The following ASTN1 variants were observed in gnomAD, a reference collection of about 807,000 sequenced individuals.
ASTN1 encodes astrotactin-1.
A neutral mutation model predicts 140.7 loss-of-function variants in ASTN1; 41 were observed. That is an observed-to-expected ratio of 0.29 (90% CI 0.23 to 0.38). The LOEUF (loss-of-function observed/expected upper bound fraction) is 0.38. Ranked by LOEUF, ASTN1 falls within the 10% of genes least tolerant of loss-of-function variation. The pLI, the probability that ASTN1 is intolerant of heterozygous loss-of-function variation, is 1.00. For missense variants in ASTN1, 1,479 were observed against 1,678.8 expected (o/e 0.88, Z 2.08); for synonymous variants, 640 against 652.2 (o/e 0.98, Z 0.29).
chr1:177,123,596 T>C (rs185804362), intron 1 of ASTN1, among the ~76,000 whole-genome samples: 11 of 152,252 alleles, frequency 7.2e-5, no homozygotes. Flanking sequence ...TCATGGAAGG[T>C]GGAACCTCAC....
intron 2 of ASTN1, among the ~76,000 whole-genome samples, chr1:177,044,583 G>A (rs919706933): frequency 6.6e-6 from 1 of 152,316 alleles, no homozygotes; most frequent in South Asian, 2.1e-4. Context: ...CACCTGCCAG[G>A]GAAAGTGACA....
In ASTN1 at chr1:176,945,958, C is replaced by A. The variant is rs954947699; in HGVS notation, c.2217G>T (p.Val739=). 1 of 1,613,384 alleles carries A rather than the reference C, an allele frequency of 6.2e-7. No homozygotes were observed. The highest frequency in any genetic ancestry group is 8.5e-7 in the Non-Finnish European group (1 of 1,179,532). Residue 739 remains valine, a synonymous_variant, in exon 13 of 23, where the codon GTG becomes GTT. Transcript: ENST00000361833. ...FFGYNNHSKE[V]AAGQVLKGTF... is the part of the protein sequence containing the mutation. ...TTCCTTTCAGCACCTGTCCGGCAGC[C>A]ACTTCCTTGGAATGGTTGTTGTAAC...
At chr1:177,145,028 G>T (rs1682660085) in intron 1 of ASTN1, among the ~76,000 whole-genome samples, 1 of 152,148 alleles carries the variant, frequency 6.6e-6, no homozygotes, top group South Asian at 2.1e-4. Flanking sequence ...AAATCTTTAA[G>T]TCTCTGAGTT....
intron 14 of ASTN1, among the ~76,000 whole-genome samples, chr1:176,936,804 C>T (rs1455710938): frequency 1.3e-5 from 2 of 152,240 alleles, no homozygotes; most frequent in African/African-American, 2.4e-5. Context: ...GTCTGTAAAG[C>T]GAGAGGCTTA....
At chr1:177,038,143 C>A (rs1676813663) in intron 2 of ASTN1, among the ~76,000 whole-genome samples, 1 of 152,200 alleles carries the variant, frequency 6.6e-6, no homozygotes, top group Admixed American at 6.5e-5. Context: ...CCTGTATATT[C>A]ATCCTGGGTC....
At chr1:176,894,245 GC>G (rs895230495) in intron 17 of ASTN1, among the ~76,000 whole-genome samples, 6 of 152,248 alleles carry the variant, frequency 3.9e-5, no homozygotes, top group African/African-American at 1.4e-4. Context: ...TGTCCCCAAG[GC>G]ACGAGGGTTC....
intron 1 of ASTN1, among the ~76,000 whole-genome samples, chr1:177,110,798 C>T (rs944491020): frequency 1.3e-5 from 2 of 152,152 alleles, no homozygotes; most frequent in African/African-American, 2.4e-5. Flanking sequence ...CCATACCCTG[C>T]GCTGTTACAC....
chr1:177,157,867 C>A (rs891091038), intron 1 of ASTN1, among the ~76,000 whole-genome samples: 4 of 151,598 alleles, frequency 2.6e-5, no homozygotes, highest in Non-Finnish European at 5.9e-5. Flanking sequence ...CTATTTTTTT[C>A]AGCTATTTTC....
At chr1:176,991,501 TG>T (rs1295265459) in intron 8 of ASTN1, among the ~76,000 whole-genome samples, 1 of 125,918 alleles carries the variant, frequency 7.9e-6, no homozygotes, top group Non-Finnish European at 1.7e-5. Context: ...CCATAATGAG[TG>T]GCTGTCCAAA....
At chr1:177,006,488 C>T (rs754416757) in intron 8 of ASTN1, among the ~76,000 whole-genome samples, 3 of 151,878 alleles carry the variant, frequency 2.0e-5, no homozygotes, top group Non-Finnish European at 4.4e-5. Context: ...TAGACTGAAA[C>T]CCAAGATGAA....
intron 8 of ASTN1, among the ~76,000 whole-genome samples, chr1:176,970,159 C>T (rs766390154): frequency 1.3e-5 from 2 of 152,208 alleles, no homozygotes; most frequent in Non-Finnish European, 2.9e-5. Flanking sequence ...CTCTCTCCTC[C>T]CCTTTAGGAC....
chr1:177,128,288 T>G (rs536641955), intron 1 of ASTN1, among the ~76,000 whole-genome samples: 6 of 152,216 alleles, frequency 3.9e-5, no homozygotes, highest in Non-Finnish European at 8.8e-5. Context: ...CCAAATTTTC[T>G]TATTATGCAT....
intron 17 of ASTN1, among the ~76,000 whole-genome samples, chr1:176,891,563 G>T (rs1669267661): frequency 1.3e-5 from 2 of 152,230 alleles, no homozygotes; most frequent in Admixed American, 1.3e-4. Context: ...GGAGGTCGAG[G>T]CTGGCGGATC....
intron 1 of ASTN1, among the ~76,000 whole-genome samples, chr1:177,131,110 C>T (rs1354630783): frequency 1.3e-5 from 2 of 152,178 alleles, no homozygotes; most frequent in Non-Finnish European, 2.9e-5. Context: ...GCTGTATTTA[C>T]TCCCTGTCTG....
intron 1 of ASTN1, among the ~76,000 whole-genome samples, chr1:177,093,081 T>A (rs1223693724): frequency 6.6e-6 from 1 of 152,192 alleles, no homozygotes; most frequent in African/African-American, 2.4e-5. Context: ...TTTCCTTTGG[T>A]CACTGTGCAT....
At position 176,862,278 on chromosome 1, in the gene ASTN1, AAAG is replaced by A. The variant is rs751822875; in HGVS notation, c.*2003_*2005del. On this transcript the variant is annotated 3_prime_UTR_variant, in exon 23 of 23. Coordinates refer to ENST00000361833, the MANE Select transcript of ASTN1 (RefSeq NM_004319.3). ...TTGAAATAAATCCTTCAGTGTTTGG[AAAG>A]AAGGAGAGAGGAGAGTGAAACCACC... is the stretch of plus-strand genomic sequence containing the variant. 49 of 985,262 alleles carry A rather than the reference AAAG, an allele frequency of 5.0e-5. No homozygotes were observed. Among genetic ancestry groups the A allele is most frequent in the Non-Finnish European group, 5.7e-5 (47 of 829,952 alleles). 61.0% of individuals were successfully genotyped at this position (985,262 alleles called of 1,614,324 possible).
chr1:177,021,744 G>T lies in ASTN1; in HGVS notation c.1438+1660C>A, dbSNP rs192209251. Among the ~76,000 whole-genome samples the T allele has an allele frequency of 5.3e-5, 8 of 152,274 alleles. No homozygotes were observed. The East Asian group carries it at 1.5e-3, about 29-fold the overall frequency. On this transcript the variant is annotated intron_variant, in intron 7 of 22. Transcript: ENST00000361833. Reference sequence around the variant, plus strand: ...TAAAATCCAAGTAGGAGCATCCAAAGCTCCCCCCGGGGATCAAGCTTCTCT... The same window carrying T: ...TAAAATCCAAGTAGGAGCATCCAAATCTCCCCCCGGGGATCAAGCTTCTCT...
intron 1 of ASTN1, among the ~76,000 whole-genome samples, chr1:177,081,673 A>G (rs1253479545): frequency 2.0e-5 from 3 of 152,196 alleles, no homozygotes; most frequent in Non-Finnish European, 4.4e-5. Context: ...TGAAGACACC[A>G]AGATGGCTCT....
intron 1 of ASTN1, among the ~76,000 whole-genome samples, chr1:177,113,998 G>T (rs1366930808): frequency 2.6e-5 from 4 of 152,194 alleles, no homozygotes; most frequent in Admixed American, 6.5e-5. Flanking sequence ...AAGGATGAAA[G>T]AAATGATGAC....
Sources: gnomAD v4.1 joint callset for allele counts (sites outside exome capture counted in the v4.1 genomes callset) on GRCh38, gnomAD v4.1.1 for gene constraint, MANE v1.5 for transcripts, NCBI Gene and HGNC (gene_info 2026-07-23, HGNC 2026-07-21) for gene names.